CTNS: variants seen among roughly 807,000 people sequenced by gnomAD.
The protein encoded by CTNS is cystinosin.
CTNS carries 27 observed loss-of-function variants against 43.7 expected under a neutral mutation model. The observed-to-expected ratio is 0.62, with a 90% CI of 0.46 to 0.85. CTNS has a LOEUF of 0.85. CTNS is among the 40% of genes least tolerant of loss of function. The pLI, the probability that CTNS is intolerant of heterozygous loss-of-function variation, is 0.00. For synonymous variants in CTNS, 187 were observed against 190.6 expected (o/e 0.98, Z 0.16); for missense variants, 457 against 475.4 (o/e 0.96, Z 0.36).
At chr17:3,648,221 G>A (rs950543145) in intron 4 of CTNS, among the ~76,000 whole-genome samples, 1 of 152,108 alleles carries the variant, frequency 6.6e-6, no homozygotes, top group African/African-American at 2.4e-5. Flanking sequence ...GAGGCCCCTA[G>A]CAGGCCTGCC....
At position 3,648,744 on chromosome 17, in the gene CTNS, G is replaced by A. The variant is rs222778; in HGVS notation, c.141-103G>A. On this transcript the variant is annotated intron_variant, in intron 4 of 11. Coordinates refer to ENST00000046640, the MANE Select transcript of CTNS (RefSeq NM_004937.3). ...GGGTGGAGCACCTAGCATTTCCTAA[G>A]CCTAACTGCTTGAGAGTTGAAGGCC... 0.42 allele frequency: 414,846 copies of A among 984,682 alleles called. 92,941 individuals are homozygous for A. Among genetic ancestry groups the A allele is most frequent in the Non-Finnish European group, 0.48 (290,758 of 610,316 alleles). 61.0% of individuals were successfully genotyped at this position (984,682 alleles called of 1,614,324 possible). A position where few individuals can be genotyped will look rare whatever the true frequency, so the allele number is the denominator to read the frequency against.
At chr17:3,644,620 A>T (rs2075803361) in intron 3 of CTNS, among the ~76,000 whole-genome samples, 1 of 152,032 alleles carries the variant, frequency 6.6e-6, no homozygotes, top group Non-Finnish European at 1.5e-5. Context: ...GCCTGCCATC[A>T]CGCCCAGCTA....
chr17:3,657,613 G>A (rs931475043), intron 9 of CTNS: 2 of 309,392 alleles, frequency 6.5e-6, no homozygotes, highest in African/African-American at 4.3e-5. Flanking sequence ...CCGGGTCGTG[G>A]GACGAGTCAG....
intron 2 of CTNS, among the ~76,000 whole-genome samples, chr17:3,638,616 G>T (rs927023669): frequency 6.6e-6 from 1 of 152,160 alleles, no homozygotes; most frequent in Non-Finnish European, 1.5e-5. Flanking sequence ...TCCTCCAGGG[G>T]TCTCAGCCTT....
chr17:3,643,381 A>G (rs2150897091), intron 3 of CTNS, among the ~76,000 whole-genome samples: 1 of 152,198 alleles, frequency 6.6e-6, no homozygotes, highest in Non-Finnish European at 1.5e-5. Context: ...GGTGTATAGC[A>G]GAGTAGCTGG....
intron 5 of CTNS, among the ~76,000 whole-genome samples, chr17:3,649,519 A>G (rs1173530693): frequency 1.3e-5 from 2 of 151,978 alleles, no homozygotes; most frequent in African/African-American, 4.8e-5. Context: ...TTCAAGGACC[A>G]GAGAATTGGG....
At chr17:3,657,956 G>A (rs779025490) in intron 9 of CTNS, 49 bp from the exon 10 acceptor site, 38 of 1,599,310 alleles carry the variant, frequency 2.4e-5, no homozygotes, top group Middle Eastern at 2.2e-4. Context: ...GCTCAGCCCC[G>A]GCGTGGCCTC....
chr17:3,657,969 T>A, intron 9 of CTNS, 36 bp from the exon 10 acceptor site: 1 of 1,602,916 alleles, frequency 6.2e-7, no homozygotes. Flanking sequence ...GTGGCCTCTG[T>A]GTGGGTCCAC....
intron 2 of CTNS, among the ~76,000 whole-genome samples, chr17:3,639,595 G>T (rs991587920): frequency 4.6e-5 from 7 of 151,874 alleles, no homozygotes; most frequent in African/African-American, 1.5e-4. Context: ...TTGAACCCAG[G>T]GGGTGGAGGT....
intron 5 of CTNS, chr17:3,650,488 A>G: frequency 1.2e-6 from 1 of 840,940 alleles, no homozygotes; most frequent in Non-Finnish European, 1.7e-6. Context: ...TCTCTAAAAA[A>G]TTAAAAATAA....
intron 3 of CTNS, 66 bp downstream of exon 3, chr17:3,640,333 T>A: frequency 6.8e-7 from 1 of 1,480,874 alleles, no homozygotes; most frequent in Non-Finnish European, 9.4e-7. Flanking sequence ...AGGAGTAATC[T>A]GATCTGTTTG....
chr17:3,662,120 A>G lies in CTNS; in HGVS notation c.*1751A>G, dbSNP rs555625298. Among the ~76,000 whole-genome samples, 9 of 152,224 alleles carry G rather than the reference A, an allele frequency of 5.9e-5. No individual in the cohort carries two copies. The South Asian group carries it at 6.2e-4, about 11-fold the overall frequency. On this transcript the variant is annotated 3_prime_UTR_variant, in exon 12 of 12. Coordinates refer to ENST00000046640, the MANE Select transcript of CTNS (RefSeq NM_004937.3). ...GACATCAGGAGTTCGAGACCAGCCT[A>G]GCCAACATTGCAAAACCCCATCTCT...
chr17:3,646,971 T>G (rs2075857743), intron 3 of CTNS, among the ~76,000 whole-genome samples: 1 of 152,192 alleles, frequency 6.6e-6, no homozygotes, highest in South Asian at 2.1e-4. Context: ...AGAAACTCAT[T>G]AGCTGGGCCC....
Position 3,660,307 on chromosome 17 carries a change from G to C in CTNS, c.1042G>C (p.Val348Leu), listed in dbSNP as rs768600706. The change falls in exon 12 of 12, where the codon GTC (valine) becomes CTC (leucine). Residue 348 changes from valine (V) to leucine (L), a missense_variant. Physicochemically the swap from Val to Leu is conservative, Grantham distance 32. Coordinates refer to ENST00000046640, the MANE Select transcript of CTNS (RefSeq NM_004937.3). The part of the protein sequence containing the change: ...LGVFSIVFDV[V>L]FFIQHFCLYR... ...GGTCTTCTCCATCGTCTTCGACGTC[G>C]TCTTCTTCATCCAGCACTTCTGTTT... 1 of 1,614,240 alleles carries C rather than the reference G, an allele frequency of 6.2e-7. No homozygotes were observed. The highest frequency in any genetic ancestry group is 1.7e-5 in the Admixed American group (1 of 60,026).
At position 3,660,764 on chromosome 17, in the gene CTNS, T is replaced by G; in HGVS notation, c.*395T>G. The G allele has an allele frequency of 6.2e-7, 1 of 1,613,030 alleles. No individual in the cohort carries two copies. The highest frequency in any genetic ancestry group is 8.5e-7 in the Non-Finnish European group (1 of 1,179,922). On this transcript the variant is annotated 3_prime_UTR_variant, in exon 12 of 12. Transcript: ENST00000046640. ...GCAGCCGGGTGAGCCAAGGGCACTT[T>G]GCTGCCACCGCTGCATTCCCAGAGA...
chr17:3,655,786 G>T (rs950281804), intron 7 of CTNS: 1 of 258,260 alleles, frequency 3.9e-6, no homozygotes, highest in African/African-American at 2.2e-5. Context: ...CGGCCTCCTG[G>T]GTGATGGCAA....
At chr17:3,653,435 C>A (rs1216998060) in intron 5 of CTNS, among the ~76,000 whole-genome samples, 3 of 152,080 alleles carry the variant, frequency 2.0e-5, no homozygotes, top group Non-Finnish European at 4.4e-5. Context: ...TAATAGGAAA[C>A]CACTGCAGTC....
intron 7 of CTNS, chr17:3,656,015 G>A: frequency 3.2e-6 from 1 of 316,242 alleles, no homozygotes; most frequent in South Asian, 2.8e-5. Context: ...CCCGTGGCCT[G>A]GGAGCCCTGT....
At chr17:3,646,044 C>T (rs1183772809) in intron 3 of CTNS, among the ~76,000 whole-genome samples, 2 of 152,040 alleles carry the variant, frequency 1.3e-5, no homozygotes, top group Non-Finnish European at 2.9e-5. Flanking sequence ...GTTGCAAAGA[C>T]GCTCCTCATC....
Sources: gnomAD v4.1 joint callset for allele counts (sites outside exome capture counted in the v4.1 genomes callset) on GRCh38, gnomAD v4.1.1 for gene constraint, MANE v1.5 for transcripts, NCBI Gene and HGNC (gene_info 2026-07-23, HGNC 2026-07-21) for gene names.